The following HS2ST1 variants were observed in gnomAD, a reference collection of about 807,000 sequenced individuals.
HS2ST1 encodes the protein 2-O-sulfotransferase.
HS2ST1 carries 18 observed loss-of-function variants against 42.9 expected under a neutral mutation model. The ratio of observed to expected loss-of-function variants is 0.42; its 90% CI spans 0.29 to 0.62. The LOEUF is 0.62. Among genes scored for constraint, HS2ST1 ranks in the 20% least tolerant of loss-of-function variants. The probability of loss-of-function intolerance (pLI) is 0.21; values close to 1 mark genes in which losing one functional copy is unlikely to be tolerated. For missense variants in HS2ST1, 334 were observed against 433.8 expected (o/e 0.77, Z 2.04); for synonymous variants, 146 against 152.9 (o/e 0.95, Z 0.33).
intron 4 of HS2ST1, among the ~76,000 whole-genome samples, chr1:87,096,651 C>A (rs1211911134): frequency 6.6e-6 from 1 of 152,172 alleles, no homozygotes; most frequent in Non-Finnish European, 1.5e-5. Flanking sequence ...TGTTTACCAG[C>A]ATCTCTTACT....
At chr1:87,087,967 CTGTTTT>C in intron 3 of HS2ST1, among the ~76,000 whole-genome samples, 1 of 151,998 alleles carries the variant, frequency 6.6e-6, no homozygotes, top group Non-Finnish European at 1.5e-5. Flanking sequence ...CTTCAGTGTC[CTGTTTT>C]TAATTTGAGA....
chr1:87,061,461 C>T (rs1375857355), intron 1 of HS2ST1, among the ~76,000 whole-genome samples: 2 of 152,036 alleles, frequency 1.3e-5, no homozygotes, highest in African/African-American at 4.8e-5. Flanking sequence ...TTCATTTTTA[C>T]CTATTCTGGA....
intron 1 of HS2ST1, among the ~76,000 whole-genome samples, chr1:87,039,544 A>G (rs998046299): frequency 1.3e-5 from 2 of 152,228 alleles, no homozygotes; most frequent in African/African-American, 4.8e-5. Flanking sequence ...TAACAACCTT[A>G]TTCATTATTA....
At chr1:87,088,295 C>CT (rs921740929) in intron 3 of HS2ST1, among the ~76,000 whole-genome samples, 24 of 151,832 alleles carry the variant, frequency 1.6e-4, no homozygotes, top group Non-Finnish European at 1.3e-4. Context: ...TCTTGGACAA[C>CT]TTTTTTTTAT....
intron 1 of HS2ST1, among the ~76,000 whole-genome samples, chr1:87,052,908 A>T (rs1222161057): frequency 6.6e-6 from 1 of 152,204 alleles, no homozygotes; most frequent in Non-Finnish European, 1.5e-5. Flanking sequence ...CCATCATATC[A>T]GCATTGGGAA....
intron 1 of HS2ST1, among the ~76,000 whole-genome samples, chr1:86,931,608 A>G (rs949794025): frequency 2.0e-5 from 3 of 152,076 alleles, no homozygotes; most frequent in African/African-American, 7.2e-5. Flanking sequence ...GCATCTAGTG[A>G]TAAGAATTGA....
intron 1 of HS2ST1, chr1:86,958,397 T>A (rs1406840624): frequency 2.0e-5 from 3 of 152,112 alleles, no homozygotes; most frequent in Admixed American, 2.0e-4. Context: ...TGGGAGTGAA[T>A]CATCATAAAG....
At chr1:86,997,597 C>T (rs1454418374) in intron 1 of HS2ST1, among the ~76,000 whole-genome samples, 1 of 152,166 alleles carries the variant, frequency 6.6e-6, no homozygotes, top group Non-Finnish European at 1.5e-5. Context: ...AATGCAAATA[C>T]AGCTTCAGGT....
At chr1:87,052,286 C>G (rs1173451533) in intron 1 of HS2ST1, among the ~76,000 whole-genome samples, 1 of 152,026 alleles carries the variant, frequency 6.6e-6, no homozygotes, top group African/African-American at 2.4e-5. Flanking sequence ...CTTTTTTAGT[C>G]TTAACAATGG....
At chr1:86,934,483 G>A (rs1271413080) in intron 1 of HS2ST1, 1 of 152,212 alleles carries the variant, frequency 6.6e-6, no homozygotes, top group African/African-American at 2.4e-5. Context: ...TTACATTACA[G>A]TGTTCCTATG....
At chr1:87,002,810 G>A (rs918657167) in intron 1 of HS2ST1, among the ~76,000 whole-genome samples, 7 of 151,786 alleles carry the variant, frequency 4.6e-5, no homozygotes, top group South Asian at 2.1e-4. Context: ...ACTCCTGATC[G>A]GACGTTTTGG....
intron 1 of HS2ST1, among the ~76,000 whole-genome samples, chr1:87,052,606 C>G (rs886191281): frequency 6.6e-6 from 1 of 152,166 alleles, no homozygotes; most frequent in African/African-American, 2.4e-5. Flanking sequence ...GAGGAACTGA[C>G]TAGCCTTAGG....
intron 1 of HS2ST1, among the ~76,000 whole-genome samples, chr1:86,980,231 G>A (rs1304114616): frequency 6.6e-6 from 1 of 152,160 alleles, no homozygotes; most frequent in African/African-American, 2.4e-5. Context: ...CATTGTAGTG[G>A]GAGAGACATA....
intron 1 of HS2ST1, among the ~76,000 whole-genome samples, chr1:86,990,836 ATTTTTTT>A (rs55739816): frequency 0.032 from 1,410 of 44,062 alleles, 43 homozygotes; most frequent in East Asian, 0.082. Context: ...ATATATATAT[ATTTTTTT>A]TTTTTTTTTT....
chr1:86,977,901 G>A (rs1447029951), intron 1 of HS2ST1, among the ~76,000 whole-genome samples: 2 of 152,212 alleles, frequency 1.3e-5, no homozygotes, highest in Non-Finnish European at 2.9e-5. Flanking sequence ...TTTCAGTACA[G>A]TCATGTACCA....
chr1:87,017,433 G>A (rs773787286), intron 1 of HS2ST1, among the ~76,000 whole-genome samples: 16 of 152,036 alleles, frequency 1.1e-4, no homozygotes, highest in Admixed American at 2.0e-4. Flanking sequence ...CACCACACCC[G>A]GCCTCTCTCT....
intron 1 of HS2ST1, among the ~76,000 whole-genome samples, chr1:87,030,521 C>G (rs1014851672): frequency 2.0e-5 from 3 of 151,720 alleles, no homozygotes; most frequent in African/African-American, 7.3e-5. Context: ...CACAGACATG[C>G]ATGCACACGC....
chr1:87,012,702 G>C (rs1049042747), intron 1 of HS2ST1, among the ~76,000 whole-genome samples: 1 of 152,142 alleles, frequency 6.6e-6, no homozygotes, highest in African/African-American at 2.4e-5. Flanking sequence ...ACAGTTCAAT[G>C]TCTCATCTGG....
intron 1 of HS2ST1, among the ~76,000 whole-genome samples, chr1:86,990,593 G>C (rs1648913390): frequency 1.3e-5 from 2 of 151,560 alleles, no homozygotes; most frequent in African/African-American, 4.8e-5. Flanking sequence ...GACCCAGTCA[G>C]ATATTTAAGG....
Sources: gnomAD v4.1 joint callset for allele counts (sites outside exome capture counted in the v4.1 genomes callset) on GRCh38, gnomAD v4.1.1 for gene constraint, MANE v1.5 for transcripts, NCBI Gene and HGNC (gene_info 2026-07-23, HGNC 2026-07-21) for gene names.